The following BORA variants were observed in gnomAD, a reference collection of about 807,000 sequenced individuals.
The protein encoded by BORA is BORA aurora kinase A activator, also known as protein aurora borealis.
A neutral mutation model predicts 55.8 loss-of-function variants in BORA; 26 were observed. The ratio of observed to expected loss-of-function variants is 0.47; its 90% confidence interval spans 0.34 to 0.65. BORA has a LOEUF of 0.65. Ranked by LOEUF, BORA falls within the 30% of genes least tolerant of loss-of-function variation. The pLI is 0.01. For missense variants in BORA, 568 were observed against 671.5 expected, an observed-to-expected ratio of 0.85 and a Z score of 1.70; for synonymous variants, 201 against 216.9, an observed-to-expected ratio of 0.93 and a Z score of 0.64.
Position 72,745,172 on chromosome 13 carries a change from G to A in BORA, c.703G>A (p.Val235Ile), listed in dbSNP as rs1217664324. ...EMFYSIDLSP[V>I]KCRSPLQTPS... ...GTTTTATTCAATAGATTTGTCTCCT[G>A]TAAAGTGTAGGAGCCCCTTGCAGAC... Residue 235 changes from valine (V) to isoleucine (I), a missense_variant, in exon 8 of 12, where the codon GTA becomes ATA. Transcript: ENST00000390667. 5 of 1,614,028 alleles carry A rather than the reference G, an allele frequency of 3.1e-6. No homozygotes were observed. Among genetic ancestry groups the A allele is most frequent in the Admixed American group, 1.7e-5 (1 of 60,020 alleles).
rs569495167 is a variant in BORA at position 72,750,770 on chromosome 13, T to TA, written c.1483-2919dup. Among the ~76,000 whole-genome samples the TA allele has an allele frequency of 1.8e-4, 28 of 152,278 alleles. No individual in the cohort carries two copies. The South Asian group carries it at 5.8e-3, about 32-fold the overall frequency. On this transcript the variant is annotated intron_variant, in intron 10 of 11. Coordinates refer to ENST00000390667, the MANE Select transcript of BORA (RefSeq NM_024808.5). ...TCAGAAGCTAATCCCTGTAATACCT[T>TA]ACAGATATAATAGATATCGTCATCT...
At chr13:72,736,648 G>A (rs1285943993) in intron 4 of BORA, among the ~76,000 whole-genome samples, 2 of 152,074 alleles carry the variant, frequency 1.3e-5, no homozygotes, top group East Asian at 3.8e-4. Flanking sequence ...AAATAATGCT[G>A]CAGTGATTTG....
intron 10 of BORA, among the ~76,000 whole-genome samples, chr13:72,748,613 A>G (rs1271452588): frequency 6.6e-6 from 1 of 152,232 alleles, no homozygotes; most frequent in East Asian, 1.9e-4. Flanking sequence ...AATCACTTTT[A>G]CATATTTTAG....
rs1036432281 is a variant in BORA, at chr13:72,741,134, G to C, written c.389-2403G>C. Among the ~76,000 whole-genome samples the C allele has an allele frequency of 3.3e-5, 5 of 152,290 alleles. No individual in the cohort carries two copies. In the East Asian group the frequency reaches 9.6e-4, roughly 29 times the overall value. ...TGTTTTTATTTATGGACTTGAGTGA[G>C]AATTTCCCTGGGATATATACGCAGG... On this transcript the variant is annotated intron_variant, in intron 5 of 11. Coordinates refer to ENST00000390667, the MANE Select transcript of BORA (RefSeq NM_024808.5).
rs1380107890 is a variant in BORA at position 72,731,457 on chromosome 13, G to A, written c.260+70G>A. On this transcript the variant is annotated intron_variant, in intron 3 of 11. Transcript: ENST00000390667. ...TGAAGAGAGGTAGGAAATTCTAAAT[G>A]TTGAGTATTTTTCTATGTAAAGGTA... 4 of 1,178,330 alleles carry A rather than the reference G, an allele frequency of 3.4e-6. No individual in the cohort carries two copies. The African/African-American group carries it at 4.6e-5, about 14-fold the overall frequency. 73.0% of individuals were successfully genotyped at this position (1,178,330 alleles called of 1,614,324 possible). A position where few individuals can be genotyped will look rare whatever the true frequency, so the allele number is the denominator to read the frequency against.
rs546712610 is a variant in BORA at position 72,743,722 on chromosome 13, T to A, written c.454+120T>A. 2.3e-4 allele frequency: 175 copies of A among 763,282 alleles called. No individual in the cohort carries two copies. The African/African-American group carries it at 2.8e-3, about 12-fold the overall frequency. The allele number at this position is 763,282 out of a possible 1,614,324, so 47.3% of individuals were successfully genotyped here. ...TGAAATTGTTTCCTTTTTTTTTTTT[T>A]AATTTATTTTTGTTTTTTTGAGACA... is the stretch of plus-strand genomic sequence containing the variant. On this transcript the variant is annotated intron_variant, in intron 6 of 11. Transcript: ENST00000390667.
At chr13:72,742,921 C>T (rs1421900608) in intron 5 of BORA, among the ~76,000 whole-genome samples, 2 of 151,964 alleles carry the variant, frequency 1.3e-5, no homozygotes, top group Non-Finnish European at 2.9e-5. Flanking sequence ...CACAGAAAGA[C>T]AAATACTGAA....
rs1484887155 is a variant in BORA, at chr13:72,728,991, A to T, written c.51A>T (p.Gly17=). 6.2e-7 allele frequency: 1 copy of T among 1,611,072 alleles called. No homozygotes were observed. The highest frequency in any genetic ancestry group is 8.5e-7 in the Non-Finnish European group (1 of 1,178,908). Residue 17 remains glycine, a synonymous_variant, in exon 2 of 12, where the codon GGA becomes GGT. Transcript: ENST00000390667. ...SKMQITPETP[G]RIPVLNPFES... ...TGCAAATAACACCAGAAACTCCAGG[A>T]AGGATCCCTGTTTTAAATCCTTTTG...
At chr13:72,744,606 GT>G (rs752776478) in intron 7 of BORA, 45 bp downstream of exon 7, 2 of 1,444,936 alleles carry the variant, frequency 1.4e-6, no homozygotes, top group Non-Finnish European at 1.9e-6. Flanking sequence ...TGAACCAAAG[GT>G]TTTGTTTGGC....
Position 72,746,840 on chromosome 13 carries a change from T to C in BORA, c.1211T>C (p.Met404Thr), listed in dbSNP as rs370640772. Residue 404 changes from methionine to threonine, a missense_variant, in exon 10 of 12, where the codon ATG becomes ACG. Met to Thr is a moderately conservative substitution (Grantham distance 81). Coordinates refer to ENST00000390667, the MANE Select transcript of BORA (RefSeq NM_024808.5). ...GGTACACATTTGGTTGTGACTGCCA[T>C]GTCTGTTACACAAAATCAGTCCAGT... ...THGTHLVVTAMSVTQNQSSAS... is the reference protein window; with the variant it reads ...THGTHLVVTATSVTQNQSSAS... The C allele has an allele frequency of 5.6e-6, 9 of 1,614,070 alleles. No homozygotes were observed. In the Admixed American group the frequency reaches 6.7e-5, roughly 12 times the overall value.
intron 5 of BORA, among the ~76,000 whole-genome samples, chr13:72,742,711 A>G (rs2033056726): frequency 6.6e-6 from 1 of 151,842 alleles, no homozygotes; most frequent in Non-Finnish European, 1.5e-5. Flanking sequence ...TATGGAGTCA[A>G]CCTAAGTGTC....
chr13:72,755,272 T>G lies in BORA; in HGVS notation c.*56T>G. 7 of 1,431,430 alleles carry G rather than the reference T, an allele frequency of 4.9e-6. No individual in the cohort carries two copies. Among genetic ancestry groups the G allele is most frequent in the Non-Finnish European group, 5.9e-6 (6 of 1,018,928 alleles). 88.7% of individuals were successfully genotyped at this position (1,431,430 alleles called of 1,614,324 possible). Reference sequence around the variant, plus strand: ...TAAGAGTTCCTCGCATATATCGTTGTGCACAGGATCAACATGATGGTGACT... The same window carrying G: ...TAAGAGTTCCTCGCATATATCGTTGGGCACAGGATCAACATGATGGTGACT... On this transcript the variant is annotated 3_prime_UTR_variant, in exon 12 of 12. Coordinates refer to ENST00000390667, the MANE Select transcript of BORA (RefSeq NM_024808.5).
At position 72,746,599 on chromosome 13, in the gene BORA, T is replaced by A. The variant is rs199872583; in HGVS notation, c.970T>A (p.Cys324Ser). ...TATCAGAAGTCCTTATATAGATGGC[T>A]GCTCGCCAATTAAAAATTGGTCTCC... ...PCIRSPYIDG[C>S]SPIKNWSPMR... Residue 324 changes from cysteine (C) to serine (S), a missense_variant, in exon 10 of 12, where the codon TGC becomes AGC. Coordinates refer to ENST00000390667, the MANE Select transcript of BORA (RefSeq NM_024808.5). The A allele has an allele frequency of 6.2e-6, 10 of 1,614,136 alleles. No individual in the cohort carries two copies. The Admixed American group carries it at 1.5e-4, about 24-fold the overall frequency.
Position 72,731,407 on chromosome 13 carries a change from A to C in BORA, c.260+20A>C, listed in dbSNP as rs768990819. ...TTCTCGGTAAGTTTTCCTTTCTTGC[A>C]CCTAAGTCTAATAACACTCTCAAGT... is the stretch of plus-strand genomic sequence containing the variant. On this transcript the variant is annotated intron_variant, in intron 3 of 11. Transcript: ENST00000390667. The C allele has an allele frequency of 1.3e-6, 2 of 1,493,574 alleles. No individual in the cohort carries two copies. The highest frequency in any genetic ancestry group is 4.5e-5 in the East Asian group (2 of 44,110). 92.5% of individuals were successfully genotyped at this position (1,493,574 alleles called of 1,614,324 possible).
intron 5 of BORA, among the ~76,000 whole-genome samples, chr13:72,739,742 A>G (rs117619491): frequency 0.012 from 1,896 of 152,020 alleles, 17 homozygotes; most frequent in Non-Finnish European, 0.02. Context: ...GATAGAGAGC[A>G]CTCCTCCCAT....
In BORA at chr13:72,756,025, C is replaced by CAGATATGTA. The variant is rs1425614510; in HGVS notation, c.*810_*818dup. On this transcript the variant is annotated 3_prime_UTR_variant, in exon 12 of 12. Coordinates refer to ENST00000390667, the MANE Select transcript of BORA (RefSeq NM_024808.5). Reference sequence around the variant, plus strand: ...ATAGGCCTGTGAAGTAACACTGGGGCAGATATGTATGTTATATACAACTAT... The same window carrying CAGATATGTA: ...ATAGGCCTGTGAAGTAACACTGGGGCAGATATGTAAGATATGTATGTTATATACAACTAT... 5.0e-6 allele frequency: 2 copies of CAGATATGTA among 398,224 alleles called. No individual in the cohort carries two copies. The highest frequency in any genetic ancestry group is 4.1e-5 in the African/African-American group (2 of 48,564). 24.7% of individuals were successfully genotyped at this position (398,224 alleles called of 1,614,324 possible). A position where few individuals can be genotyped will look rare whatever the true frequency, so the allele number is the denominator to read the frequency against.
At position 72,747,211 on chromosome 13, in the gene BORA, G is replaced by T. The variant is rs75760609; in HGVS notation, c.1482+100G>T. 1.7e-3 allele frequency: 2,240 copies of T among 1,284,144 alleles called. 28 individuals carry two copies. The African/African-American group carries it at 0.028, about 16-fold the overall frequency. 79.5% of individuals were successfully genotyped at this position (1,284,144 alleles called of 1,614,324 possible). A position where few individuals can be genotyped will look rare whatever the true frequency, so the allele number is the denominator to read the frequency against. ...AGAAAGATAATGGATTAAACATGAG[G>T]ACTACAGTATTATATAATATTTTTT... On this transcript the variant is annotated intron_variant, in intron 10 of 11. Coordinates refer to ENST00000390667, the MANE Select transcript of BORA (RefSeq NM_024808.5).
rs574235036 is a variant in BORA at position 72,729,742 on chromosome 13, AT to A, written c.153+656del. 1.6e-3 allele frequency among the ~76,000 whole-genome samples: 239 copies of A among 152,268 alleles called. 2 individuals are homozygous for A. The highest frequency in any genetic ancestry group is 5.1e-3 in the African/African-American group (213 of 41,552). ...ATATAATTTTCACATGTCACAAGAT[AT>A]TTTTTTGTTTGTTTTCCCAACCATT... is the stretch of plus-strand genomic sequence containing the variant. On this transcript the variant is annotated intron_variant, in intron 2 of 11. Coordinates refer to ENST00000390667, the MANE Select transcript of BORA (RefSeq NM_024808.5).
rs2033416890 is a variant in BORA at position 72,755,138 on chromosome 13, TTC to T, written c.1615-11_1615-10del. 6.2e-7 allele frequency: 1 copy of T among 1,612,936 alleles called. No homozygotes were observed. The highest frequency in any genetic ancestry group is 8.5e-7 in the Non-Finnish European group (1 of 1,179,362). On this transcript the variant is annotated splice_polypyrimidine_tract_variant and intron_variant, in intron 11 of 11. Transcript: ENST00000390667. ...CTTAAACTGAAAACAAGGTATTGTC[TTC>T]TTTTTCACAGCAAGACCACACAACA... is the stretch of plus-strand genomic sequence containing the variant.
Sources: allele counts gnomAD v4.1 joint callset (sites outside exome capture counted in the v4.1 genomes callset), GRCh38; gene constraint gnomAD v4.1.1; transcripts MANE v1.5; gene names NCBI Gene and HGNC (gene_info 2026-07-23, HGNC 2026-07-21).